Variants in RABGEF1 observed in about 807,000 individuals in gnomAD.
RABGEF1 encodes rab5 GDP/GTP exchange factor.
RABGEF1 carries 26 observed loss-of-function variants against 57.3 expected under a neutral mutation model. That is an observed-to-expected ratio of 0.45 (90% CI 0.33 to 0.63). The LOEUF is 0.63. RABGEF1 is among the 20% of genes least tolerant of loss of function. The probability of loss-of-function intolerance (pLI) is 0.02; values close to 1 mark genes in which losing one functional copy is unlikely to be tolerated. For synonymous variants in RABGEF1, 185 were observed against 210.7 expected (o/e 0.88, Z 1.06); for missense variants, 464 against 607.6 (o/e 0.76, Z 2.48).
intron 2 of RABGEF1, among the ~76,000 whole-genome samples, chr7:66,716,179 A>C (rs2117449193): frequency 6.6e-6 from 1 of 152,300 alleles, no homozygotes; most frequent in East Asian, 1.9e-4. Context: ...CTCTTAATCT[A>C]TTGTAAATTT....
intron 1 of RABGEF1, among the ~76,000 whole-genome samples, chr7:66,709,276 A>T (rs189866099): frequency 6.6e-6 from 1 of 152,226 alleles, no homozygotes; most frequent in Non-Finnish European, 1.5e-5. Flanking sequence ...CTGGGATTAT[A>T]GGTGTGAGCC....
intron 4 of RABGEF1, among the ~76,000 whole-genome samples, chr7:66,792,459 C>T (rs1054556148): frequency 3.9e-5 from 6 of 152,178 alleles, no homozygotes; most frequent in Non-Finnish European, 8.8e-5. Context: ...TTGTGCTTAT[C>T]CCCGAGTATC....
intron 1 of RABGEF1, among the ~76,000 whole-genome samples, chr7:66,766,505 T>C (rs1229995574): frequency 6.6e-6 from 1 of 152,122 alleles, no homozygotes; most frequent in East Asian, 1.9e-4. Context: ...ACCTCAGCCT[T>C]ATCTACTATT....
chr7:66,705,938 C>CA lies in RABGEF1; in HGVS notation c.-872-6228dup, dbSNP rs1319760452. ...TGAGACGGAGTCTCGCTTTGTCGCC[C>CA]AGGCCGGACTGCGGGCTGCAGTGGC... On this transcript the variant is annotated intron_variant and NMD_transcript_variant, in intron 1 of 9. Transcript: ENST00000607882. 2.4e-5 allele frequency among the ~76,000 whole-genome samples: 3 copies of CA among 126,762 alleles called. No individual in the cohort carries two copies. The East Asian group carries it at 7.5e-4, about 32-fold the overall frequency. 83.2% of individuals were successfully genotyped at this position (126,762 alleles called of 152,430 possible). A position where few individuals can be genotyped will look rare whatever the true frequency, so the allele number is the denominator to read the frequency against.
chr7:66,756,017 T>G (rs1214979661), intron 1 of RABGEF1: 3 of 1,469,218 alleles, frequency 2.0e-6, no homozygotes, highest in Non-Finnish European at 2.7e-6. Flanking sequence ...GAACCTTGGA[T>G]TACAGATTGC....
At chr7:66,670,949 T>A in the RABGEF1 span, among the ~76,000 whole-genome samples, 1 of 151,382 alleles carries the variant, frequency 6.6e-6, no homozygotes, top group Non-Finnish European at 1.5e-5. Context: ...GCACTGGAGC[T>A]TCCACTGGTC....
At chr7:66,690,261 C>T (rs1021958697) in intron 1 of RABGEF1, among the ~76,000 whole-genome samples, 5 of 151,358 alleles carry the variant, frequency 3.3e-5, no homozygotes, top group South Asian at 2.1e-4. Flanking sequence ...CCACCACACC[C>T]GGCTAATTTT....
chr7:66,674,601 CATAATAA>C, the RABGEF1 span, among the ~76,000 whole-genome samples: 12 of 152,012 alleles, frequency 7.9e-5, no homozygotes, highest in African/African-American at 2.9e-4. Flanking sequence ...GGTATACTTA[CATAATAA>C]ATAATAATAA....
intron 2 of RABGEF1, among the ~76,000 whole-genome samples, chr7:66,774,724 C>T (rs879225112): frequency 9.2e-5 from 14 of 152,166 alleles, no homozygotes. Flanking sequence ...CATGCTATTA[C>T]ACTCCAGCCT....
chr7:66,803,203 CAAAAGTT>C (rs1467921055), intron 7 of RABGEF1, among the ~76,000 whole-genome samples: 7 of 152,310 alleles, frequency 4.6e-5, no homozygotes, highest in African/African-American at 1.7e-4. Context: ...TAAAAGCACT[CAAAAGTT>C]AAAATAATGC....
chr7:66,790,327 A>G (rs1273145119), intron 4 of RABGEF1, among the ~76,000 whole-genome samples: 1 of 152,208 alleles, frequency 6.6e-6, no homozygotes, highest in Non-Finnish European at 1.5e-5. Flanking sequence ...CCTTATGCGC[A>G]TGAGGTCTTT....
chr7:66,722,159 G>A (rs1299104912), intron 2 of RABGEF1, among the ~76,000 whole-genome samples: 1 of 151,642 alleles, frequency 6.6e-6, no homozygotes, highest in African/African-American at 2.4e-5. Context: ...CCTGTCTCAG[G>A]GGCTGGGTAC....
chr7:66,757,324 C>A (rs578213521), intron 1 of RABGEF1, among the ~76,000 whole-genome samples: 45 of 152,272 alleles, frequency 3.0e-4, no homozygotes, highest in Admixed American at 1.2e-3. Flanking sequence ...ATGTACCTAT[C>A]TAGCTTATTT....
chr7:66,722,813 T>G (rs563649609), intron 2 of RABGEF1, among the ~76,000 whole-genome samples: 1 of 152,368 alleles, frequency 6.6e-6, no homozygotes, highest in East Asian at 1.9e-4. Context: ...AGCGTGTCAC[T>G]TTCTACAACA....
intron 1 of RABGEF1, among the ~76,000 whole-genome samples, chr7:66,699,760 G>C (rs1231861390): frequency 1.3e-5 from 2 of 152,098 alleles, no homozygotes; most frequent in Non-Finnish European, 2.9e-5. Flanking sequence ...GGCTGAGGCA[G>C]GAGGATCACT....
chr7:66,677,761 C>G (rs1044412576), upstream of RABGEF1, among the ~76,000 whole-genome samples: 1 of 67,492 alleles, frequency 1.5e-5, no homozygotes, highest in African/African-American at 6.4e-5. Context: ...GACTCCGTCT[C>G]AAAAAAAAAA....
At chr7:66,676,488 C>T in the RABGEF1 span, among the ~76,000 whole-genome samples, 1 of 152,120 alleles carries the variant, frequency 6.6e-6, no homozygotes, top group Non-Finnish European at 1.5e-5. Flanking sequence ...AATGTATTTT[C>T]AATCCGTATT....
chr7:66,670,432 GAT>G, the RABGEF1 span, among the ~76,000 whole-genome samples: 1 of 100,686 alleles, frequency 9.9e-6, no homozygotes, highest in African/African-American at 4.0e-5. Flanking sequence ...TGAATGAGAT[GAT>G]TTTTTTTTTT....
chr7:66,770,113 G>A (rs1317419528), intron 1 of RABGEF1, among the ~76,000 whole-genome samples: 2 of 152,112 alleles, frequency 1.3e-5, no homozygotes, highest in Non-Finnish European at 2.9e-5. Context: ...TGTACTTTTG[G>A]TTATGAGCTT....
Sources: gnomAD v4.1 joint callset for allele counts (sites outside exome capture counted in the v4.1 genomes callset) on GRCh38, gnomAD v4.1.1 for gene constraint, MANE v1.5 for transcripts, NCBI Gene and HGNC (gene_info 2026-07-23, HGNC 2026-07-21) for gene names.